Variants in CEP83 observed in about 807,000 individuals in gnomAD.
The protein encoded by CEP83 is centrosomal protein 83.
In CEP83, 70 loss-of-function variants were observed where a neutral mutation model predicts 101.9. The observed-to-expected ratio is 0.69, with a 90% CI of 0.57 to 0.84. CEP83 has a LOEUF of 0.84. Among genes scored for constraint, CEP83 ranks in the 40% least tolerant of loss-of-function variants. CEP83 has a pLI of 0.00. For missense variants in CEP83, 715 were observed against 787.2 expected, an observed-to-expected ratio of 0.91 and a Z score of 1.10; for synonymous variants, 264 against 267.9, an observed-to-expected ratio of 0.99 and a Z score of 0.14.
At chr12:94,311,158 G>A (rs1969805976) in intron 15 of CEP83, among the ~76,000 whole-genome samples, 1 of 152,170 alleles carries the variant, frequency 6.6e-6, no homozygotes, top group Non-Finnish European at 1.5e-5. Flanking sequence ...CAAAAGCATG[G>A]GGTCAGAGAG....
chr12:94,426,704 A>T (rs1244406535), intron 2 of CEP83, among the ~76,000 whole-genome samples: 1 of 152,192 alleles, frequency 6.6e-6, no homozygotes, highest in East Asian at 1.9e-4. Flanking sequence ...TAAATTAAGG[A>T]TCTTAAGAGG....
intron 7 of CEP83, among the ~76,000 whole-genome samples, chr12:94,376,501 T>A (rs1225743304): frequency 1.3e-5 from 2 of 151,960 alleles, no homozygotes; most frequent in African/African-American, 4.8e-5. Context: ...CCTCAGCTCA[T>A]CTGCAGACTT....
the CEP83 span, chr12:94,277,769 G>GT: frequency 2.8e-6 from 1 of 363,352 alleles, no homozygotes; most frequent in African/African-American, 2.1e-5. Context: ...AATTGTACAG[G>GT]TTTTATTGCC....
chr12:94,355,358 T>C (rs984671990), intron 11 of CEP83, among the ~76,000 whole-genome samples: 4 of 151,946 alleles, frequency 2.6e-5, no homozygotes, highest in African/African-American at 9.7e-5. Context: ...CCAGGCATGG[T>C]GGCAGGTGCC....
intron 11 of CEP83, among the ~76,000 whole-genome samples, chr12:94,366,716 A>G (rs1371996695): frequency 6.6e-6 from 1 of 152,188 alleles, no homozygotes; most frequent in African/African-American, 2.4e-5. Context: ...AAGCATACCT[A>G]GAGTTGAGAT....
At chr12:94,305,314 A>G (rs759610650), downstream of CEP83, 47 of 1,430,014 alleles carry the variant, frequency 3.3e-5, no homozygotes, top group Non-Finnish European at 4.0e-5. Context: ...TAATCTGGCA[A>G]AGTTCTTCAG....
the CEP83 span, chr12:94,294,536 T>C: frequency 7.9e-7 from 1 of 1,262,528 alleles, no homozygotes; most frequent in African/African-American, 1.5e-5. Context: ...CAAATTTTAC[T>C]TCAGGTAACC....
At chr12:94,285,024 C>CT in the CEP83 span, among the ~76,000 whole-genome samples, 1 of 152,138 alleles carries the variant, frequency 6.6e-6, no homozygotes, top group East Asian at 1.9e-4. Flanking sequence ...GACACAGAGA[C>CT]ACACAAATGG....
intron 2 of CEP83, among the ~76,000 whole-genome samples, chr12:94,431,998 C>A (rs2065661576): frequency 6.6e-6 from 1 of 151,926 alleles, no homozygotes; most frequent in African/African-American, 2.4e-5. Flanking sequence ...TATTGCAGCA[C>A]TATTCACAAT....
chr12:94,399,747 GAC>G lies in CEP83; in HGVS notation c.549+1101_549+1102del, dbSNP rs564658935. Among the ~76,000 whole-genome samples the G allele has an allele frequency of 2.2e-3, 328 of 152,250 alleles. 1 individual carries two copies. The highest frequency in any genetic ancestry group is 7.4e-3 in the African/African-American group (308 of 41,550). On this transcript the variant is annotated intron_variant, in intron 6 of 16. Transcript: ENST00000397809. ...TTGATCAATCAATCAAAGAAAATAA[GAC>G]AGTCTAGCCCCATCTCACTGACTAT... is the stretch of plus-strand genomic sequence containing the variant.
the CEP83 span, among the ~76,000 whole-genome samples, chr12:94,289,850 T>TCA: frequency 3.9e-5 from 6 of 151,972 alleles, no homozygotes; most frequent in Admixed American, 1.3e-4. Flanking sequence ...ACATACGCGC[T>TCA]CACACACACA....
At chr12:94,368,938 TG>T (rs1467609220) in intron 9 of CEP83, 4 of 152,170 alleles carry the variant, frequency 2.6e-5, no homozygotes, top group African/African-American at 9.7e-5. Context: ...GAGGACCATT[TG>T]AGCCCAGGAG....
intron 6 of CEP83, among the ~76,000 whole-genome samples, chr12:94,397,922 G>A (rs1593710642): frequency 6.6e-6 from 1 of 152,182 alleles, no homozygotes; most frequent in East Asian, 1.9e-4. Context: ...GTTGCTGGAT[G>A]GCCCATAATC....
At chr12:94,410,510 TAAC>T (rs2063813188) in intron 4 of CEP83, among the ~76,000 whole-genome samples, 1 of 152,210 alleles carries the variant, frequency 6.6e-6, no homozygotes, top group Non-Finnish European at 1.5e-5. Flanking sequence ...TGAATTAATA[TAAC>T]TACTCCAGCC....
chr12:94,387,929 AT>A (rs374334893), intron 6 of CEP83, among the ~76,000 whole-genome samples: 13 of 152,322 alleles, frequency 8.5e-5, no homozygotes, highest in African/African-American at 3.1e-4. Flanking sequence ...GAAAAAAAAA[AT>A]AACAGATGCT....
intron 11 of CEP83, among the ~76,000 whole-genome samples, chr12:94,360,721 T>C (rs935138541): frequency 1.3e-5 from 2 of 152,024 alleles, no homozygotes; most frequent in African/African-American, 4.8e-5. Context: ...ATATTACCAA[T>C]GAATTTCTTC....
At chr12:94,446,438 G>A (rs2066808884) in intron 1 of CEP83, among the ~76,000 whole-genome samples, 1 of 152,162 alleles carries the variant, frequency 6.6e-6, no homozygotes, top group Non-Finnish European at 1.5e-5. Context: ...GGCCGGGCGT[G>A]GTGGCTCATG....
intron 2 of CEP83, among the ~76,000 whole-genome samples, chr12:94,427,798 C>T (rs749136780): frequency 8.6e-4 from 131 of 152,258 alleles, no homozygotes; most frequent in Non-Finnish European, 1.6e-3. Context: ...TACTTATAAA[C>T]AAAACATTAG....
chr12:94,449,630 AG>A (rs1317740305), intron 1 of CEP83, among the ~76,000 whole-genome samples: 1 of 150,266 alleles, frequency 6.7e-6, no homozygotes, highest in Non-Finnish European at 1.5e-5. Flanking sequence ...AAAAATAGCC[AG>A]GTGTGGTGGC....
Sources: gnomAD v4.1 joint callset for allele counts (sites outside exome capture counted in the v4.1 genomes callset) on GRCh38, gnomAD v4.1.1 for gene constraint, MANE v1.5 for transcripts, NCBI Gene and HGNC (gene_info 2026-07-23, HGNC 2026-07-21) for gene names.